Variants in TRAPPC14 observed in about 807,000 individuals in gnomAD.
TRAPPC14 encodes microtubule associated protein 11.
TRAPPC14 carries 24 observed loss-of-function variants against 56.6 expected under a neutral mutation model. That is an observed-to-expected ratio of 0.42 (90% CI 0.31 to 0.60). The LOEUF (loss-of-function observed/expected upper bound fraction) is 0.60, where lower values mean the gene tolerates loss of function less well. Among genes scored for constraint, TRAPPC14 ranks in the 20% least tolerant of loss-of-function variants. TRAPPC14 has a pLI of 0.14. For synonymous variants in TRAPPC14, 377 were observed against 347.0 expected, an observed-to-expected ratio of 1.09 and a Z score of -0.96; for missense variants, 615 against 790.3, an observed-to-expected ratio of 0.78 and a Z score of 2.66.
rs1043575809 is a variant in TRAPPC14 at position 100,158,686 on chromosome 7, G to A, written c.-187C>T. 6.2e-6 allele frequency: 3 copies of A among 481,666 alleles called. No homozygotes were observed. The highest frequency in any genetic ancestry group is 1.0e-5 in the Non-Finnish European group (3 of 300,346). The allele number at this position is 481,666 out of a possible 1,614,324, so 29.8% of individuals were successfully genotyped here. On this transcript the variant is annotated 5_prime_UTR_variant, in exon 1 of 11. Coordinates refer to ENST00000316937, the MANE Select transcript of TRAPPC14 (RefSeq NM_018275.5). ...ACCGAGACCCGGCAGCGCCGGAACC[G>A]GGGTACTGAGCCGAATGACTGGAGA...
chr7:100,157,616 T>C lies in TRAPPC14; in HGVS notation c.637+17A>G, dbSNP rs1407097673. 7 of 1,613,798 alleles carry C rather than the reference T, an allele frequency of 4.3e-6. No homozygotes were observed. Among genetic ancestry groups the C allele is most frequent in the African/African-American group, 2.7e-5 (2 of 74,932 alleles). ...TTCCCAGACTCTAGCCCTTTGCCTC[T>C]GCGCTGCCCTGCCCACCTTGGGCCT... On this transcript the variant is annotated intron_variant, in intron 3 of 10. Transcript: ENST00000316937.
rs777239324 is a variant in TRAPPC14, at chr7:100,158,140, G to A, written c.360C>T (p.Ser120=). The A allele has an allele frequency of 3.3e-6, 5 of 1,492,784 alleles. No individual in the cohort carries two copies. In the African/African-American group the frequency reaches 4.3e-5, roughly 13 times the overall value. The allele number at this position is 1,492,784 out of a possible 1,614,324, so 92.5% of individuals were successfully genotyped here. A position where few individuals can be genotyped will look rare whatever the true frequency, so the allele number is the denominator to read the frequency against. ...GGCCCGGGCCGTGGGTGAGAAGGGGGCTGCAGCCTCGGAACAAACCCCCAC... is the reference window on the plus strand; with the variant it reads ...GGCCCGGGCCGTGGGTGAGAAGGGGACTGCAGCCTCGGAACAAACCCCCAC... ...PGGGGLFRGC[S]PLLTHGPGPA... is the part of the protein sequence containing the mutation. Residue 120 remains serine, a synonymous_variant, in exon 1 of 11, where the codon AGC becomes AGT. Coordinates refer to ENST00000316937, the MANE Select transcript of TRAPPC14 (RefSeq NM_018275.5).
At position 100,156,474 on chromosome 7, in the gene TRAPPC14, C is replaced by T. The variant is rs1234092753; in HGVS notation, c.1152G>A (p.Glu384=). ...GCAGCGTGTAGGTGACAGTGAAACG[C>T]TCGTAGGTCCGAACAGGGGACTTAC... is the stretch of plus-strand genomic sequence containing the variant. ...ASCKSPVRTY[E]RFTVTYTLLN... is the part of the protein sequence containing the mutation. Residue 384 remains glutamate (E), a synonymous_variant, in exon 8 of 11, where the codon GAG becomes GAA. Coordinates refer to ENST00000316937, the MANE Select transcript of TRAPPC14 (RefSeq NM_018275.5). 4 of 1,614,178 alleles carry T rather than the reference C, an allele frequency of 2.5e-6. No individual in the cohort carries two copies. The highest frequency in any genetic ancestry group is 3.4e-6 in the Non-Finnish European group (4 of 1,180,046).
intron 1 of TRAPPC14, 23 bp downstream of exon 1, chr7:100,158,066 C>A: frequency 7.0e-7 from 1 of 1,437,548 alleles, no homozygotes; most frequent in Non-Finnish European, 9.2e-7. Flanking sequence ...CCGTCCTGTG[C>A]CAGGTCCCCC....
chr7:100,155,935 A>G, intron 8 of TRAPPC14, 110 bp from the exon 9 acceptor site: 1 of 1,362,794 alleles, frequency 7.3e-7, no homozygotes. Context: ...GAGTAAACTG[A>G]GCAAACGTTA....
chr7:100,155,798 C>T lies in TRAPPC14; in HGVS notation c.1268G>A (p.Arg423Gln), dbSNP rs775065742. The stretch of plus-strand genomic sequence containing the variant: ...GGAGTCCAGGGCAGCCTGCATGGCC[C>T]GGCGCTCCTCCTCACACAGCTGCTT... ...AGKQLCEEER[R>Q]AMQAALDSVV... The change falls in exon 9 of 11, where the codon CGG becomes CAG. Residue 423 changes from arginine (R) to glutamine (Q), a missense_variant. Coordinates refer to ENST00000316937, the MANE Select transcript of TRAPPC14 (RefSeq NM_018275.5). The T allele has an allele frequency of 2.2e-5, 36 of 1,614,076 alleles. No homozygotes were observed. Among genetic ancestry groups the T allele is most frequent in the South Asian group, 1.8e-4 (16 of 91,092 alleles).
At chr7:100,157,992 G>C in intron 1 of TRAPPC14, 54 bp from the exon 2 acceptor site, 2 of 1,478,196 alleles carry the variant, frequency 1.4e-6, no homozygotes, top group Non-Finnish European at 1.8e-6. Context: ...GCAGCCTGCA[G>C]CCTTTCCCTT....
intron 5 of TRAPPC14, 48 bp from the exon 6 acceptor site, chr7:100,157,040 A>T (rs763530697): frequency 2.5e-6 from 4 of 1,613,948 alleles, no homozygotes; most frequent in Non-Finnish European, 3.4e-6. Context: ...GCCAGAGCTC[A>T]GCCCCTGAAG....
intron 8 of TRAPPC14, 84 bp downstream of exon 8, chr7:100,156,302 C>T: frequency 6.8e-7 from 1 of 1,462,362 alleles, no homozygotes; most frequent in South Asian, 1.3e-5. Context: ...CCAAATTTGG[C>T]TGTTTTCACT....
rs1185211421 is a variant in TRAPPC14, at chr7:100,157,871, C to A, written c.479G>T (p.Arg160Ile). 6.3e-7 allele frequency: 1 copy of A among 1,580,026 alleles called. No homozygotes were observed. The highest frequency in any genetic ancestry group is 8.6e-7 in the Non-Finnish European group (1 of 1,160,908). ...GGCCTTAGGTGTCCCTGGGGGCAGT[C>A]TATCCAGTGAAACGGTGAGTGGGAA... ...VIFPLTVSLDRLPPGTPKAKI... is the reference protein window; with the variant it reads ...VIFPLTVSLDILPPGTPKAKI... The change falls in exon 2 of 11, where the codon AGA becomes ATA. Residue 160 changes from arginine (R) to isoleucine (I), a missense_variant. Physicochemically the swap from Arg to Ile is moderately conservative, Grantham distance 97 (BLOSUM62 -3). Transcript: ENST00000316937.
At chr7:100,158,050 G>T in intron 1 of TRAPPC14, 39 bp downstream of exon 1, 1 of 1,403,788 alleles carries the variant, frequency 7.1e-7, no homozygotes. Context: ...CCAGCAAACC[G>T]CCCCTCCGTC....
rs1422843141 is a variant in TRAPPC14, at chr7:100,157,125, C to T, written c.814G>A (p.Asp272Asn). 4 of 1,614,046 alleles carry T rather than the reference C, an allele frequency of 2.5e-6. No individual in the cohort carries two copies. Among genetic ancestry groups the T allele is most frequent in the African/African-American group, 1.3e-5 (1 of 74,908 alleles). The change falls in exon 5 of 11, where the codon GAT becomes AAT. Residue 272 changes from aspartate (D) to asparagine (N), a missense_variant. Coordinates refer to ENST00000316937, the MANE Select transcript of TRAPPC14 (RefSeq NM_018275.5). ...FNASYLPVMP[D>N]GSVLLVDNVC... ...TTGTCCACCAGCAGCACAGAGCCATCGGGCATGACAGGTAGATAACTGGCG... is the reference window on the plus strand; with the variant it reads ...TTGTCCACCAGCAGCACAGAGCCATTGGGCATGACAGGTAGATAACTGGCG...
At position 100,158,337 on chromosome 7, in the gene TRAPPC14, C is replaced by T. The variant is rs903615303; in HGVS notation, c.163G>A (p.Gly55Ser). The T allele has an allele frequency of 3.4e-6, 5 of 1,467,124 alleles. No individual in the cohort carries two copies. The African/African-American group carries it at 7.4e-5, about 22-fold the overall frequency. The allele number at this position is 1,467,124 out of a possible 1,614,324, so 90.9% of individuals were successfully genotyped here. A position where few individuals can be genotyped will look rare whatever the true frequency, so the allele number is the denominator to read the frequency against. ...RFLLVLRCRG[G>S]AGSGTGGGPG... ...CCGCCCCCGGTGCCGGACCCCGCAC[C>T]GCCCCGGCAGCGCAACACCAGCAGA... Residue 55 changes from glycine to serine, a missense_variant, in exon 1 of 11, where the codon GGT becomes AGT. Physicochemically the swap from Gly to Ser is moderately conservative, Grantham distance 56 (BLOSUM62 0). Transcript: ENST00000316937.
At position 100,157,952 on chromosome 7, in the gene TRAPPC14, A is replaced by G. The variant is rs765839068; in HGVS notation, c.412-14T>C. The G allele has an allele frequency of 6.5e-7, 1 of 1,528,946 alleles. No homozygotes were observed. Among genetic ancestry groups the G allele is most frequent in the Non-Finnish European group, 8.8e-7 (1 of 1,137,452 alleles). The allele number at this position is 1,528,946 out of a possible 1,614,324, so 94.7% of individuals were successfully genotyped here. On this transcript the variant is annotated splice_polypyrimidine_tract_variant and intron_variant, in intron 1 of 10. Coordinates refer to ENST00000316937, the MANE Select transcript of TRAPPC14 (RefSeq NM_018275.5). The stretch of plus-strand genomic sequence containing the variant: ...CTCCACAGGCAGCTGGGGTTGGGAA[A>G]GGGGTGAAGAGGTCAGGAGCAAGTC...
intron 8 of TRAPPC14, 141 bp from the exon 9 acceptor site, chr7:100,155,966 TAAC>T (rs752643367): frequency 1.1e-5 from 12 of 1,058,718 alleles, no homozygotes; most frequent in East Asian, 4.7e-5. Context: ...ATGTTGTAGA[TAAC>T]AACAGCTAAT....
Position 100,154,641 on chromosome 7 carries a change from C to CGGGA in TRAPPC14, c.*366_*369dup, listed in dbSNP as rs1056344665. 6.6e-5 allele frequency: 20 copies of CGGGA among 302,556 alleles called. No homozygotes were observed. The highest frequency in any genetic ancestry group is 3.5e-4 in the South Asian group (11 of 31,880). The allele number at this position is 302,556 out of a possible 1,614,324, so 18.7% of individuals were successfully genotyped here. On this transcript the variant is annotated 3_prime_UTR_variant, in exon 11 of 11. Coordinates refer to ENST00000316937, the MANE Select transcript of TRAPPC14 (RefSeq NM_018275.5). ...TCACCACCCTCTAATCTCAGCCCTG[C>CGGGA]GGGAGGGAGGGAGGGAATGTCAGAG...
chr7:100,155,902 C>CTATA (rs1798869013), intron 8 of TRAPPC14, 77 bp from the exon 9 acceptor site: 1 of 1,579,332 alleles, frequency 6.3e-7, no homozygotes, highest in Non-Finnish European at 8.7e-7. Flanking sequence ...ACAGTCTCAT[C>CTATA]TGATTCTCAA....
rs375718651 is a variant in TRAPPC14 at position 100,154,498 on chromosome 7, CAA to C, written c.*511_*512del. On this transcript the variant is annotated 3_prime_UTR_variant, in exon 11 of 11. Coordinates refer to ENST00000316937, the MANE Select transcript of TRAPPC14 (RefSeq NM_018275.5). Reference sequence around the variant, plus strand: ...TGGAAAATAAGTTACAGGAACAGACCAAAAAAAAAAAAATTAAAGTGCTTCAG... The same window carrying C: ...TGGAAAATAAGTTACAGGAACAGACCAAAAAAAAAAATTAAAGTGCTTCAG... 2.2e-4 allele frequency: 35 copies of C among 161,244 alleles called. No homozygotes were observed. The highest frequency in any genetic ancestry group is 9.0e-4 in the South Asian group (7 of 7,758). 10.0% of individuals were successfully genotyped at this position (161,244 alleles called of 1,614,324 possible).
Position 100,154,750 on chromosome 7 carries a change from G to T in TRAPPC14, c.*261C>A. 1 of 551,480 alleles carries T rather than the reference G, an allele frequency of 1.8e-6. No homozygotes were observed. 34.2% of individuals were successfully genotyped at this position (551,480 alleles called of 1,614,324 possible). ...AGGGCCGGGGACAAGGGAGCTCTGG[G>T]AACCCTTGCCCTGGCCTAGGGGTGG... On this transcript the variant is annotated 3_prime_UTR_variant, in exon 11 of 11. Coordinates refer to ENST00000316937, the MANE Select transcript of TRAPPC14 (RefSeq NM_018275.5).
Sources: allele counts gnomAD v4.1 joint callset, GRCh38; gene constraint gnomAD v4.1.1; transcripts MANE v1.5; gene names NCBI Gene and HGNC (gene_info 2026-07-23, HGNC 2026-07-21).